PLCH2: variants seen among roughly 807,000 people sequenced by gnomAD.
The protein encoded by PLCH2 is phospholipase C eta 2.
PLCH2 carries 98 observed loss-of-function variants against 134.7 expected under a neutral mutation model. The observed-to-expected ratio is 0.73, with a 90% CI of 0.62 to 0.86. The LOEUF is 0.86. PLCH2 is among the 40% of genes least tolerant of loss of function. The pLI is 0.00. For synonymous variants in PLCH2, 974 were observed against 827.5 expected, an observed-to-expected ratio of 1.18 and a Z score of -3.04; for missense variants, 1,994 against 1,986.6, an observed-to-expected ratio of 1.00 and a Z score of -0.07.
chr1:2,424,762 C>G (rs183038073), upstream of PLCH2, among the ~76,000 whole-genome samples: 3 of 152,070 alleles, frequency 2.0e-5, 1 homozygote, highest in South Asian at 4.2e-4. Context: ...CCAAGGCGGG[C>G]GGATCACGAG....
chr1:2,446,006 C>A (rs1037922159), intron 2 of PLCH2, among the ~76,000 whole-genome samples: 6 of 152,202 alleles, frequency 3.9e-5, no homozygotes, highest in Non-Finnish European at 7.3e-5. Flanking sequence ...CAAGAGCTGC[C>A]TGCCACCTGC....
Position 2,504,032 on chromosome 1 carries a change from A to AC in PLCH2, c.3072dup (p.Ser1025GlnfsTer25). On this transcript the variant is annotated frameshift_variant, in exon 22 of 22. Transcript: ENST00000378486. LOFTEE classifies it high-confidence loss of function. The stretch of plus-strand genomic sequence containing the variant: ...TCCCCCGCCACCAGCGGCTGTCCCC[A>AC]CCAGCTCTTCTCAGGGACGGCCCCC... 1 of 1,537,212 alleles carries AC rather than the reference A, an allele frequency of 6.5e-7. No homozygotes were observed. Among genetic ancestry groups the AC allele is most frequent in the African/African-American group, 1.4e-5 (1 of 71,310 alleles).
rs776146617 is a variant in PLCH2 at position 2,496,998 on chromosome 1, G to A, written c.2104G>A (p.Gly702Ser). The stretch of plus-strand genomic sequence containing the variant: ...CAACCCGCAGCCCTTCTGGAACGCC[G>A]GCTGCCAAATGGGTGGGTGCGGGCA... ...NYNPQPFWNA[G>S]CQMVALNYQS... Residue 702 changes from glycine to serine, a missense_variant, in exon 15 of 22, where the codon GGC (glycine) becomes AGC (serine). By Grantham distance (56) the Gly-to-Ser change is moderately conservative. Around this residue, in one of 2 missense-constraint regions of PLCH2, gnomAD observed 1,094 missense variants for 1,234.3 expected, o/e 0.89. Coordinates refer to ENST00000378486, the MANE Select transcript of PLCH2 (RefSeq NM_014638.4). 3.1e-6 allele frequency: 5 copies of A among 1,612,738 alleles called. No homozygotes were observed. The highest frequency in any genetic ancestry group is 2.2e-5 in the East Asian group (1 of 44,876).
At chr1:2,467,717 C>T in intron 1 of PLCH2, 1 of 402,460 alleles carries the variant, frequency 2.5e-6, no homozygotes, top group Non-Finnish European at 4.4e-6. Context: ...CGTAGGGAGC[C>T]CAGGACCGGA....
chr1:2,439,387 G>C lies in PLCH2; in HGVS notation c.115+8758G>C, dbSNP rs998647249. ...GGTCCCCGACCCCAGGGCTGCCCCCGGGTTCTGGGCCCTGTTCATGGGAAG... is the reference window on the plus strand; with the variant it reads ...GGTCCCCGACCCCAGGGCTGCCCCCCGGTTCTGGGCCCTGTTCATGGGAAG... On this transcript the variant is annotated intron_variant, in intron 2 of 3. Transcript: ENST00000609981. The surrounding 1 kb of genome is among the most constrained non-coding windows in gnomAD (Gnocchi z 4.7). 7.4e-6 allele frequency among the ~76,000 whole-genome samples: 1 copy of C among 135,656 alleles called. No homozygotes were observed. The highest frequency in any genetic ancestry group is 1.6e-5 in the Non-Finnish European group (1 of 63,084). 89.0% of individuals were successfully genotyped at this position (135,656 alleles called of 152,430 possible).
In PLCH2 at chr1:2,448,230, C is replaced by T. The variant is rs1640030995; in HGVS notation, c.115+17601C>T. 6.6e-6 allele frequency among the ~76,000 whole-genome samples: 1 copy of T among 152,196 alleles called. No individual in the cohort carries two copies. The highest frequency in any genetic ancestry group is 1.5e-5 in the Non-Finnish European group (1 of 68,034). On this transcript the variant is annotated intron_variant, in intron 2 of 3. Transcript: ENST00000609981. This position sits in a 1 kb window ranked among gnomAD's most constrained non-coding sequence, Gnocchi z 4.0. ...AGCTGCTGGGACCGGCTGCCGTGCA[C>T]TGGCCACTAAAAACGCCGCACGCTT...
chr1:2,489,731 C>T, intron 9 of PLCH2, 29 bp from the exon 10 acceptor site: 1 of 1,537,128 alleles, frequency 6.5e-7, no homozygotes, highest in Non-Finnish European at 9.0e-7. Flanking sequence ...TTCTCCAGGG[C>T]CCCTCCCATC....
the PLCH2 span, among the ~76,000 whole-genome samples, chr1:2,416,927 G>GGGGGGCCC: frequency 6.6e-6 from 1 of 152,142 alleles, no homozygotes; most frequent in Non-Finnish European, 1.5e-5. Flanking sequence ...AGCCAGCCTG[G>GGGGGGCCC]GGGGGCCCTG....
intron 8 of PLCH2, among the ~76,000 whole-genome samples, chr1:2,488,953 G>C (rs759259646): frequency 4.0e-5 from 6 of 151,834 alleles, no homozygotes; most frequent in Non-Finnish European, 4.4e-5. Flanking sequence ...TTTCTTATTG[G>C]GGAAAGCAGC....
intron 2 of PLCH2, among the ~76,000 whole-genome samples, chr1:2,455,339 C>T (rs920922967): frequency 2.6e-5 from 4 of 152,192 alleles, no homozygotes; most frequent in East Asian, 1.9e-4. Flanking sequence ...ACCAAGGTGT[C>T]GGGGCAGGAG....
intron 8 of PLCH2, among the ~76,000 whole-genome samples, chr1:2,488,633 T>A (rs1261021367): frequency 7.2e-5 from 11 of 152,218 alleles, no homozygotes; most frequent in Non-Finnish European, 1.6e-4. Flanking sequence ...ATACACATGG[T>A]TAAAAATGAA....
chr1:2,418,051 C>T, the PLCH2 span, among the ~76,000 whole-genome samples: 3 of 152,218 alleles, frequency 2.0e-5, no homozygotes, highest in Admixed American at 6.5e-5. Context: ...CCCCCAAACG[C>T]GAACACGCAG....
intron 19 of PLCH2, among the ~76,000 whole-genome samples, 190 bp downstream of exon 19, chr1:2,499,420 A>T (rs1252341235): frequency 6.6e-6 from 1 of 151,806 alleles, no homozygotes; most frequent in African/African-American, 2.4e-5. Context: ...CCTGTGGGGG[A>T]GGGGCCACCC....
chr1:2,425,480 T>C (rs1264463379), upstream of PLCH2, among the ~76,000 whole-genome samples: 1 of 152,192 alleles, frequency 6.6e-6, no homozygotes, highest in African/African-American at 2.4e-5. Context: ...TGGGAGTATA[T>C]GCAGGAGTGG....
intron 1 of PLCH2, among the ~76,000 whole-genome samples, chr1:2,477,395 G>C (rs11588930): frequency 6.6e-6 from 1 of 152,120 alleles, no homozygotes; most frequent in African/African-American, 2.4e-5. Context: ...CCCTCTGCTC[G>C]TGATCACGTA....
chr1:2,442,643 C>A (rs772367212), intron 2 of PLCH2, among the ~76,000 whole-genome samples: 18 of 152,240 alleles, frequency 1.2e-4, no homozygotes, highest in Non-Finnish European at 2.9e-5. Context: ...GTCCAGGGAC[C>A]CTTGGGTGCA....
rs1280338358 is a variant in PLCH2 at position 2,436,290 on chromosome 1, CCTTTCCT to C, written c.115+5663_115+5669del. ...CCTCCTTTCCTCCTTCCTCCCTCCT[CCTTTCCT>C]CCTTCTTCCCTCCTCCCTTCCTCCC... On this transcript the variant is annotated intron_variant, in intron 2 of 3. Coordinates refer to the PLCH2 transcript ENST00000609981. Among the ~76,000 whole-genome samples, 16 of 76,870 alleles carry C rather than the reference CCTTTCCT, an allele frequency of 2.1e-4. 1 individual carries two copies. The highest frequency in any genetic ancestry group is 5.1e-4 in the African/African-American group (10 of 19,480). The allele number at this position is 76,870 out of a possible 152,430, so 50.4% of individuals were successfully genotyped here.
rs1643419272 is a variant in PLCH2, at chr1:2,504,421, C to T, written c.3459C>T (p.Asp1153=). Residue 1153 remains aspartate (D), a synonymous_variant, in exon 22 of 22, where the codon GAC becomes GAT. Coordinates refer to ENST00000378486, the MANE Select transcript of PLCH2 (RefSeq NM_014638.4). ...CCTCCTCCAGCATGTCATCCAGCGA[C>T]ACTGTCATTGACCTCTCCCTGCCCA... ...VSSSSSMSSS[D]TVIDLSLPSL... is the part of the protein sequence containing the mutation. 6.2e-7 allele frequency: 1 copy of T among 1,612,524 alleles called. No homozygotes were observed. Among genetic ancestry groups the T allele is most frequent in the African/African-American group, 1.3e-5 (1 of 74,938 alleles).
upstream of PLCH2, among the ~76,000 whole-genome samples, chr1:2,475,466 C>T (rs950932027): frequency 7.2e-5 from 11 of 152,210 alleles, no homozygotes; most frequent in Admixed American, 2.0e-4. Flanking sequence ...CCTGGTGTCC[C>T]GGCCTGGACT....
Sources: allele counts gnomAD v4.1 joint callset (sites outside exome capture counted in the v4.1 genomes callset), GRCh38; gene constraint gnomAD v4.1.1; regional missense constraint gnomAD v4.1.1; non-coding constraint Gnocchi (gnomAD v3.1); transcripts MANE v1.5; gene names NCBI Gene and HGNC (gene_info 2026-07-23, HGNC 2026-07-21).